The following RPS6KA6 variants were observed in gnomAD, a reference collection of about 807,000 sequenced individuals.
RPS6KA6 encodes ribosomal protein S6 kinase A6, also known as ribosomal protein S6 kinase alpha-6.
In RPS6KA6, 27 loss-of-function variants were observed where a neutral mutation model predicts 65.4. That is an observed-to-expected ratio of 0.41 (90% CI 0.30 to 0.57). The LOEUF (loss-of-function observed/expected upper bound fraction) is 0.57, where lower values mean the gene tolerates loss of function less well. RPS6KA6 is among the 20% of genes least tolerant of loss of function. RPS6KA6 has a pLI of 0.24. For synonymous variants in RPS6KA6, 190 were observed against 184.2 expected, an observed-to-expected ratio of 1.03 and a Z score of -0.26; for missense variants, 486 against 555.6, an observed-to-expected ratio of 0.87 and a Z score of 1.26.
Position 84,163,495 on chromosome X carries a change from C to T in RPS6KA6, c.141+833G>A, listed in dbSNP as rs938172052. On this transcript the variant is annotated intron_variant, in intron 2 of 21. Transcript: ENST00000262752. ...TCTACTAAAAATACAAAAAATTAGC[C>T]GGGCGCGGTGGCGGGCGCCTGTAGT... Among the ~76,000 whole-genome samples, 8 of 105,156 alleles carry T rather than the reference C, an allele frequency of 7.6e-5. No individual in the cohort carries two copies. In the East Asian group the frequency reaches 2.1e-3, roughly 28 times the overall value. 91.3% of individuals were successfully genotyped at this position (105,156 alleles called of 115,157 possible).
In RPS6KA6 at chrX:84,058,907, A is replaced by C. The variant is rs1220771549; in HGVS notation, c.*5370T>G. The C allele has an allele frequency of 9.2e-6, 1 of 109,279 alleles. No individual in the cohort carries two copies. Among genetic ancestry groups the C allele is most frequent in the African/African-American group, 3.3e-5 (1 of 30,165 alleles). The allele number at this position is 109,279 out of a possible 1,213,427, so 9.0% of individuals were successfully genotyped here. The stretch of plus-strand genomic sequence containing the variant: ...ATTTTTTAAAAAATGTGGCTATAGC[A>C]AACTGTGGTTGCTTCATAAAGCCTA... On this transcript the variant is annotated 3_prime_UTR_variant, in exon 22 of 22. Coordinates refer to ENST00000262752, the MANE Select transcript of RPS6KA6 (RefSeq NM_014496.5).
At chrX:84,100,966 TAAAG>T (rs748467221) in intron 18 of RPS6KA6, among the ~76,000 whole-genome samples, 3 of 110,713 alleles carry the variant, frequency 2.7e-5, no homozygotes, top group African/African-American at 6.5e-5. Context: ...TACTTTAAAA[TAAAG>T]ACTGATTTAC....
At chrX:84,114,774 G>A (rs750141825) in intron 12 of RPS6KA6, among the ~76,000 whole-genome samples, 1 of 111,541 alleles carries the variant, frequency 9.0e-6, no homozygotes, top group East Asian at 2.8e-4. Context: ...TAGATCAATG[G>A]AACAAAACAG....
intron 12 of RPS6KA6, among the ~76,000 whole-genome samples, chrX:84,113,608 C>T (rs943074405): frequency 4.5e-5 from 5 of 111,619 alleles, no homozygotes; most frequent in African/African-American, 1.6e-4. Context: ...CGAGACAATT[C>T]AACATCACTT....
At chrX:84,158,004 A>G (rs1464121092) in intron 2 of RPS6KA6, among the ~76,000 whole-genome samples, 3 of 109,203 alleles carry the variant, frequency 2.7e-5, no homozygotes, top group African/African-American at 1.0e-4. Context: ...GAGACAGCCA[A>G]TGTAAAATGT....
Position 84,061,994 on chromosome X carries a change from T to C in RPS6KA6, c.*2283A>G, listed in dbSNP as rs1391704335. On this transcript the variant is annotated 3_prime_UTR_variant, in exon 22 of 22. Transcript: ENST00000262752. ...TCTCCCATATAATAAGGTTGCCCCC[T>C]ACTACTGTGGTTAAGCTAGCATATT... is the stretch of plus-strand genomic sequence containing the variant. The C allele has an allele frequency of 9.0e-6, 1 of 111,397 alleles. No individual in the cohort carries two copies. The highest frequency in any genetic ancestry group is 2.8e-4 in the East Asian group (1 of 3,556). The allele number at this position is 111,397 out of a possible 1,213,427, so 9.2% of individuals were successfully genotyped here.
chrX:84,135,030 A>G, intron 7 of RPS6KA6, 74 bp downstream of exon 7: 1 of 746,102 alleles, frequency 1.3e-6, no homozygotes, highest in Non-Finnish European at 2.0e-6. Context: ...TAATATTTAA[A>G]AGATCTAACA....
At chrX:84,102,276 A>ATGTT in intron 17 of RPS6KA6, 78 bp from the exon 18 acceptor site, 1 of 529,132 alleles carries the variant, frequency 1.9e-6, no homozygotes, top group Non-Finnish European at 2.7e-6. Flanking sequence ...TATCTATATA[A>ATGTT]TTAACTAAAT....
At chrX:84,188,233 CGCTCCCT>C (rs1366812748), upstream of RPS6KA6, among the ~76,000 whole-genome samples, 1 of 112,046 alleles carries the variant, frequency 8.9e-6, no homozygotes, top group Non-Finnish European at 1.9e-5. Context: ...GTCCCCTCCC[CGCTCCCT>C]GCTCTGTCAA....
chrX:84,115,528 C>A (rs1337625030), intron 12 of RPS6KA6, among the ~76,000 whole-genome samples: 1 of 111,656 alleles, frequency 9.0e-6, no homozygotes, highest in African/African-American at 3.3e-5. Context: ...TTAGTACAAC[C>A]TTTATGAAAA....
At chrX:84,086,685 G>A (rs931530277) in intron 20 of RPS6KA6, among the ~76,000 whole-genome samples, 1 of 110,930 alleles carries the variant, frequency 9.0e-6, no homozygotes, top group Non-Finnish European at 1.9e-5. Context: ...AGGTCCTCTT[G>A]ATACAAAAAT....
chrX:84,168,948 G>A (rs1046803414), intron 1 of RPS6KA6, among the ~76,000 whole-genome samples: 2 of 111,930 alleles, frequency 1.8e-5, no homozygotes, highest in African/African-American at 6.5e-5. Flanking sequence ...GAGAACCACA[G>A]TGTATACTCA....
At chrX:84,113,532 TCAC>T (rs1325840265) in intron 12 of RPS6KA6, among the ~76,000 whole-genome samples, 1 of 112,150 alleles carries the variant, frequency 8.9e-6, no homozygotes, top group Non-Finnish European at 1.9e-5. Flanking sequence ...TAAATGTAAA[TCAC>T]CACATAAACA....
intron 1 of RPS6KA6, among the ~76,000 whole-genome samples, chrX:84,184,066 T>C (rs1209256758): frequency 8.9e-6 from 1 of 112,450 alleles, no homozygotes; most frequent in Non-Finnish European, 1.9e-5. Flanking sequence ...AAAATTTCAA[T>C]GAAACACCTC....
chrX:84,069,613 T>A (rs2033487278), intron 20 of RPS6KA6, among the ~76,000 whole-genome samples: 1 of 111,344 alleles, frequency 9.0e-6, no homozygotes, highest in Non-Finnish European at 1.9e-5. Flanking sequence ...AAACTATCAT[T>A]GGAGTGAACA....
chrX:84,179,502 T>TA (rs2035818046), intron 1 of RPS6KA6, among the ~76,000 whole-genome samples: 2 of 111,537 alleles, frequency 1.8e-5, no homozygotes, highest in African/African-American at 6.5e-5. Flanking sequence ...TGCACAGCAA[T>TA]AAAAAAGAAA....
chrX:84,151,401 A>T (rs2035323366), intron 3 of RPS6KA6, among the ~76,000 whole-genome samples: 1 of 109,911 alleles, frequency 9.1e-6, no homozygotes, highest in South Asian at 3.8e-4. Flanking sequence ...AATGTGGCAA[A>T]TATACATTTG....
At chrX:84,178,860 T>C (rs1315884709) in intron 1 of RPS6KA6, among the ~76,000 whole-genome samples, 2 of 110,688 alleles carry the variant, frequency 1.8e-5, no homozygotes, top group East Asian at 5.7e-4. Flanking sequence ...TCTGTAACTT[T>C]GGATTAGGCT....
intron 8 of RPS6KA6, among the ~76,000 whole-genome samples, chrX:84,122,259 C>A (rs1489399590): frequency 3.7e-5 from 4 of 109,494 alleles, no homozygotes; most frequent in African/African-American, 1.0e-4. Flanking sequence ...AACTGGGGGG[C>A]TTTACATTGA....
Sources: gnomAD v4.1 joint callset for allele counts (sites outside exome capture counted in the v4.1 genomes callset) on GRCh38, gnomAD v4.1.1 for gene constraint, MANE v1.5 for transcripts, NCBI Gene and HGNC (gene_info 2026-07-23, HGNC 2026-07-21) for gene names.